The following BANK1 variants were observed in gnomAD, a reference collection of about 807,000 sequenced individuals.
BANK1 encodes B cell scaffold protein with ankyrin repeats 1.
A neutral mutation model predicts 94.5 loss-of-function variants in BANK1; 95 were observed. The observed-to-expected ratio is 1.00, with a 90% CI of 0.85 to 1.19. The LOEUF is 1.19. BANK1 is among the 50% of genes most tolerant of loss of function. BANK1 has a pLI of 0.00. For missense variants in BANK1, 987 were observed against 932.2 expected (o/e 1.06, Z -0.77); for synonymous variants, 334 against 308.4 (o/e 1.08, Z -0.87).
chr4:101,889,426 G>A (rs1041640711), intron 5 of BANK1, among the ~76,000 whole-genome samples: 46 of 151,448 alleles, frequency 3.0e-4, no homozygotes, highest in African/African-American at 1.1e-3. Flanking sequence ...GTGAAACCCC[G>A]TCTCTACTAA....
rs1726294650 is a variant in BANK1, at chr4:102,007,078, ATAAAT to A, written c.1207-14435_1207-14431del. On this transcript the variant is annotated intron_variant, in intron 7 of 16. Coordinates refer to ENST00000322953, the MANE Select transcript of BANK1 (RefSeq NM_017935.5). Reference sequence around the variant, plus strand: ...ATAAAATATATAATTTTATATATATATAAATATATATATAATATATTTATATATAT... The same window carrying A: ...ATAAAATATATAATTTTATATATATAATATATATAATATATTTATATATAT... Among the ~76,000 whole-genome samples, 32 of 104,814 alleles carry A rather than the reference ATAAAT, an allele frequency of 3.1e-4. 1 individual carries two copies. Among genetic ancestry groups the A allele is most frequent in the Non-Finnish European group, 5.8e-4 (29 of 50,078 alleles). The allele number at this position is 104,814 out of a possible 152,430, so 68.8% of individuals were successfully genotyped here.
intron 5 of BANK1, among the ~76,000 whole-genome samples, chr4:101,893,386 C>T (rs574546011): frequency 1.3e-5 from 2 of 151,990 alleles, no homozygotes; most frequent in African/African-American, 4.8e-5. Context: ...CAATCTCTAC[C>T]CACTAGATTT....
intron 5 of BANK1, among the ~76,000 whole-genome samples, chr4:101,878,461 A>C (rs1332706804): frequency 6.6e-6 from 1 of 152,222 alleles, no homozygotes; most frequent in Non-Finnish European, 1.5e-5. Flanking sequence ...ATAAAATCAA[A>C]TATTACTAGA....
At chr4:101,804,694 TCTTC>T (rs1235564868) in intron 1 of BANK1, among the ~76,000 whole-genome samples, 6 of 152,236 alleles carry the variant, frequency 3.9e-5, no homozygotes, top group African/African-American at 1.4e-4. Context: ...ATGTGTTTTA[TCTTC>T]CTTATGATTT....
At chr4:101,965,900 CT>C (rs1443566220) in intron 7 of BANK1, among the ~76,000 whole-genome samples, 4 of 152,034 alleles carry the variant, frequency 2.6e-5, no homozygotes, top group African/African-American at 9.7e-5. Context: ...AATTCATAGC[CT>C]TATGATATTC....
Position 101,957,492 on chromosome 4 carries a change from T to C in BANK1, c.1206+39303T>C, listed in dbSNP as rs60180803. Among the ~76,000 whole-genome samples the C allele has an allele frequency of 5.6e-3, 847 of 152,318 alleles. 14 individuals are homozygous for C. The East Asian group carries it at 0.057, about 10-fold the overall frequency. ...CTTTTCTCGATTGAGTTCTCGTCTA[T>C]GAGTCCACAAAGACTCACAAGCTTA... is the stretch of plus-strand genomic sequence containing the variant. On this transcript the variant is annotated intron_variant, in intron 7 of 16. Coordinates refer to ENST00000322953, the MANE Select transcript of BANK1 (RefSeq NM_017935.5).
At chr4:101,835,736 G>A (rs1726798867) in intron 2 of BANK1, among the ~76,000 whole-genome samples, 1 of 152,190 alleles carries the variant, frequency 6.6e-6, no homozygotes, top group South Asian at 2.1e-4. Flanking sequence ...GTGAGATGTT[G>A]TAGCCTTTCA....
chr4:101,851,171 A>G (rs1218028061), intron 2 of BANK1, among the ~76,000 whole-genome samples: 1 of 152,220 alleles, frequency 6.6e-6, no homozygotes, highest in East Asian at 1.9e-4. Flanking sequence ...GAAGAAAATT[A>G]AAAGTGCTAC....
rs375082070 is a variant in BANK1, at chr4:101,895,425, G to A, written c.1009+15G>A. ...TCAAAACAAATGTGAGTATTTTCCA[G>A]CTGCATCAATTATTCTTTTTATCAC... On this transcript the variant is annotated intron_variant, in intron 6 of 16. Coordinates refer to ENST00000322953, the MANE Select transcript of BANK1 (RefSeq NM_017935.5). 1 of 1,420,306 alleles carries A rather than the reference G, an allele frequency of 7.0e-7. No individual in the cohort carries two copies. The highest frequency in any genetic ancestry group is 1.4e-5 in the African/African-American group (1 of 69,844). The allele number at this position is 1,420,306 out of a possible 1,614,324, so 88.0% of individuals were successfully genotyped here.
intron 12 of BANK1, among the ~76,000 whole-genome samples, chr4:102,061,016 T>C (rs1278773264): frequency 4.6e-5 from 7 of 152,148 alleles, no homozygotes; most frequent in Non-Finnish European, 2.9e-5. Flanking sequence ...ACGGTCATAT[T>C]CCCATATTCC....
rs529816679 is a variant in BANK1, at chr4:102,025,241, A to G, written c.1326A>G (p.Thr442=). 3.7e-5 allele frequency: 60 copies of G among 1,614,224 alleles called. No homozygotes were observed. The South Asian group carries it at 5.8e-4, about 16-fold the overall frequency. ...NPAFHHESRK[T]YGQSADGAEA... ...CATTTCATCATGAAAGCAGGAAGAC[A>G]TACGGGCAGAGTGCAGATGGAGCTG... The change falls in exon 9 of 17, where the codon ACA becomes ACG. Residue 442 remains threonine (T), a synonymous_variant. Coordinates refer to ENST00000322953, the MANE Select transcript of BANK1 (RefSeq NM_017935.5).
chr4:101,934,982 T>A (rs1011598731), intron 7 of BANK1, among the ~76,000 whole-genome samples: 4 of 151,436 alleles, frequency 2.6e-5, no homozygotes, highest in African/African-American at 9.7e-5. Flanking sequence ...AAATTGCCAA[T>A]ACCCACCCCA....
At chr4:101,840,289 G>A (rs780075775) in intron 2 of BANK1, among the ~76,000 whole-genome samples, 4 of 151,980 alleles carry the variant, frequency 2.6e-5, no homozygotes, top group Non-Finnish European at 5.9e-5. Context: ...TTTATAGTGT[G>A]TTTAATCTCA....
intron 2 of BANK1, among the ~76,000 whole-genome samples, chr4:101,852,780 C>A (rs541735281): frequency 2.6e-5 from 4 of 152,038 alleles, no homozygotes; most frequent in Non-Finnish European, 5.9e-5. Flanking sequence ...TTCTCCATTA[C>A]AAACACTACT....
At chr4:102,066,873 A>G (rs533524542) in intron 13 of BANK1, among the ~76,000 whole-genome samples, 1 of 152,324 alleles carries the variant, frequency 6.6e-6, no homozygotes, top group African/African-American at 2.4e-5. Flanking sequence ...AACTTAAGTT[A>G]GAAGTTATAT....
intron 7 of BANK1, among the ~76,000 whole-genome samples, chr4:102,010,568 T>A (rs768204515): frequency 4.9e-4 from 75 of 151,738 alleles, no homozygotes; most frequent in Non-Finnish European, 9.1e-4. Flanking sequence ...AATTTTTGTG[T>A]TTTTAGTAGA....
chr4:101,802,510 A>T (rs1023856044), intron 1 of BANK1, among the ~76,000 whole-genome samples: 1 of 152,196 alleles, frequency 6.6e-6, no homozygotes, highest in Non-Finnish European at 1.5e-5. Context: ...GCTTTTTTAT[A>T]TATCTTTTAT....
chr4:101,890,941 C>G (rs902627553), intron 5 of BANK1, among the ~76,000 whole-genome samples: 23 of 151,828 alleles, frequency 1.5e-4, no homozygotes, highest in African/African-American at 5.3e-4. Flanking sequence ...CTTTACCCAT[C>G]CCCCATTTAT....
chr4:101,940,175 A>G (rs1723695226), intron 7 of BANK1, among the ~76,000 whole-genome samples: 1 of 151,764 alleles, frequency 6.6e-6, no homozygotes, highest in Non-Finnish European at 1.5e-5. Flanking sequence ...ATAAATGAAT[A>G]TAATTAGAAT....
Sources: allele counts gnomAD v4.1 joint callset (sites outside exome capture counted in the v4.1 genomes callset), GRCh38; gene constraint gnomAD v4.1.1; transcripts MANE v1.5; gene names NCBI Gene and HGNC (gene_info 2026-07-23, HGNC 2026-07-21).